Variants in XIRP2 observed in about 807,000 individuals in gnomAD.
XIRP2 encodes the protein xin actin binding repeat containing 2.
A neutral mutation model predicts 277.0 loss-of-function variants in XIRP2; 236 were observed. The ratio of observed to expected loss-of-function variants is 0.85; its 90% CI spans 0.77 to 0.95. XIRP2 has a LOEUF of 0.95. Ranked by LOEUF, XIRP2 falls within the 40% of genes least tolerant of loss-of-function variation. The probability of loss-of-function intolerance (pLI) is 0.00; values close to 1 mark genes in which losing one functional copy is unlikely to be tolerated. For missense variants in XIRP2, 4,640 were observed against 4,157.5 expected, an observed-to-expected ratio of 1.12 and a Z score of -3.19; for synonymous variants, 1,490 against 1,416.5, an observed-to-expected ratio of 1.05 and a Z score of -1.17.
At chr2:167,201,773 A>C (rs1693728629) in intron 3 of XIRP2, among the ~76,000 whole-genome samples, 1 of 152,200 alleles carries the variant, frequency 6.6e-6, no homozygotes, top group African/African-American at 2.4e-5. Flanking sequence ...ATTTAAGTGC[A>C]TATATTTTAG....
intron 2 of XIRP2, among the ~76,000 whole-genome samples, chr2:167,105,956 G>T (rs1347025311): frequency 6.6e-6 from 1 of 151,264 alleles, no homozygotes; most frequent in East Asian, 1.9e-4. Flanking sequence ...TATTCTCTGA[G>T]GTTAAATGCC....
chr2:166,994,597 G>A (rs1687156673), intron 2 of XIRP2, among the ~76,000 whole-genome samples: 2 of 148,556 alleles, frequency 1.3e-5, no homozygotes, highest in South Asian at 4.3e-4. Flanking sequence ...CAATATGGTA[G>A]GACAGCAATG....
chr2:167,250,212 T>G lies in XIRP2; in HGVS notation c.8820T>G (p.Gly2940=). 6.2e-7 allele frequency: 1 copy of G among 1,613,516 alleles called. No individual in the cohort carries two copies. The highest frequency in any genetic ancestry group is 8.5e-7 in the Non-Finnish European group (1 of 1,179,690). ...AATCCCAGCGGGATGATGGAAAAGG[T>G]GCCTTAAATATAGTGGAATTCTTGA... ...VKESQRDDGK[G]ALNIVEFLRK... is the part of the protein sequence containing the mutation. Residue 2940 remains glycine, a synonymous_variant, in exon 9 of 11, where the codon GGT becomes GGG. Coordinates refer to ENST00000409195, the MANE Select transcript of XIRP2 (RefSeq NM_152381.6).
intron 3 of XIRP2, among the ~76,000 whole-genome samples, chr2:167,159,261 A>G (rs1213496877): frequency 1.3e-5 from 2 of 152,204 alleles, no homozygotes; most frequent in Non-Finnish European, 2.9e-5. Flanking sequence ...ATCTCTCTGG[A>G]GTCCTCCGCC....
At chr2:167,051,124 T>C (rs2105534984) in intron 2 of XIRP2, among the ~76,000 whole-genome samples, 1 of 152,198 alleles carries the variant, frequency 6.6e-6, no homozygotes, top group South Asian at 2.1e-4. Flanking sequence ...CTAGCACTCC[T>C]TTAAATCCCA....
chr2:166,909,894 G>A (rs1357121048), intron 2 of XIRP2, among the ~76,000 whole-genome samples: 1 of 152,158 alleles, frequency 6.6e-6, no homozygotes, highest in Non-Finnish European at 1.5e-5. Flanking sequence ...CTTTGGTTCT[G>A]TTTATATGCT....
chr2:166,901,284 C>A lies in XIRP2; in HGVS notation c.-18-2181C>A, dbSNP rs188388605. 6.6e-5 allele frequency among the ~76,000 whole-genome samples: 10 copies of A among 152,190 alleles called. No homozygotes were observed. In the East Asian group the frequency reaches 1.9e-3, roughly 29 times the overall value. ...AAAAAGAAATCCTGGGAATTCACCGCCTTATTGTTCCTCAGGTCCCAAGGT... is the reference window on the plus strand; with the variant it reads ...AAAAAGAAATCCTGGGAATTCACCGACTTATTGTTCCTCAGGTCCCAAGGT... On this transcript the variant is annotated intron_variant, in intron 1 of 10. Transcript: ENST00000409195.
intron 2 of XIRP2, among the ~76,000 whole-genome samples, chr2:167,069,030 A>T (rs1277282810): frequency 6.6e-6 from 1 of 152,172 alleles, no homozygotes; most frequent in African/African-American, 2.4e-5. Flanking sequence ...CTCAATATCC[A>T]TGGATACCAT....
Position 167,060,392 on chromosome 2 carries a change from G to A in XIRP2, c.409-75517G>A, listed in dbSNP as rs187459337. The stretch of plus-strand genomic sequence containing the variant: ...TGCCTCTTCATTCCACAACCAAAGA[G>A]AATTTTTCCTGTAACTCTCCTGCCA... On this transcript the variant is annotated intron_variant, in intron 2 of 10. Transcript: ENST00000409195. 2.6e-5 allele frequency among the ~76,000 whole-genome samples: 4 copies of A among 152,196 alleles called. No individual in the cohort carries two copies. The East Asian group carries it at 7.7e-4, about 29-fold the overall frequency.
At chr2:167,219,754 C>T (rs6432987) in intron 5 of XIRP2, among the ~76,000 whole-genome samples, 22,952 of 152,126 alleles carry the variant, frequency 0.15, 2,149 homozygotes, top group African/African-American at 0.27. Flanking sequence ...ATTCATAACC[C>T]CCTCAGTCTT....
At chr2:167,208,407 A>G (rs980833715) in intron 3 of XIRP2, among the ~76,000 whole-genome samples, 1 of 152,130 alleles carries the variant, frequency 6.6e-6, no homozygotes, top group Non-Finnish European at 1.5e-5. Context: ...TCCCGGGTTC[A>G]CGCCATTCTC....
At position 166,902,434 on chromosome 2, in the gene XIRP2, T is replaced by A. The variant is rs74758662; in HGVS notation, c.-18-1031T>A. ...TTAGGTGACCTTCTGAGACACTTTCTAAGCCTTCATCTGATGTATTGTTTA... is the reference window on the plus strand; with the variant it reads ...TTAGGTGACCTTCTGAGACACTTTCAAAGCCTTCATCTGATGTATTGTTTA... On this transcript the variant is annotated intron_variant, in intron 1 of 10. Transcript: ENST00000409195. Among the ~76,000 whole-genome samples the A allele has an allele frequency of 1.5e-3, 223 of 152,214 alleles. 7 individuals carry two copies. In the East Asian group the frequency reaches 0.039, roughly 27 times the overall value.
intron 2 of XIRP2, among the ~76,000 whole-genome samples, chr2:167,003,168 A>G (rs1257170146): frequency 2.0e-5 from 3 of 152,014 alleles, no homozygotes; most frequent in African/African-American, 7.2e-5. Context: ...GGTGAAACTT[A>G]TATACAAAAA....
intron 2 of XIRP2, among the ~76,000 whole-genome samples, chr2:167,025,356 T>C (rs1178117681): frequency 3.3e-5 from 5 of 152,204 alleles, no homozygotes; most frequent in Non-Finnish European, 5.9e-5. Context: ...TTCTTCTTTA[T>C]TAGTCTTGCT....
At chr2:167,201,186 GAGAGAAAGAA>G (rs1278304839) in intron 3 of XIRP2, among the ~76,000 whole-genome samples, 13 of 116,712 alleles carry the variant, frequency 1.1e-4, no homozygotes, top group South Asian at 5.9e-4. Flanking sequence ...GAAAGAGAGA[GAGAGAAAGAA>G]AGAAAGAAAG....
At position 167,244,043 on chromosome 2, in the gene XIRP2, T is replaced by G. The variant is rs201385307; in HGVS notation, c.2651T>G (p.Ile884Ser). ...AAGCATCTATTTGAAACACTTCCAATTGAAGCATTAAAAGACAGTCCTGAT... is the reference window on the plus strand; with the variant it reads ...AAGCATCTATTTGAAACACTTCCAAGTGAAGCATTAAAAGACAGTCCTGAT... ...TTKHLFETLP[I>S]EALKDSPDIG... The change falls in exon 9 of 11, where the codon ATT (isoleucine) becomes AGT (serine). Residue 884 changes from isoleucine to serine, a missense_variant. Coordinates refer to ENST00000409195, the MANE Select transcript of XIRP2 (RefSeq NM_152381.6). The G allele has an allele frequency of 1.9e-6, 3 of 1,613,850 alleles. No homozygotes were observed. The East Asian group carries it at 6.7e-5, about 36-fold the overall frequency.
chr2:166,960,986 A>G (rs1574116853), intron 2 of XIRP2, among the ~76,000 whole-genome samples: 2 of 151,870 alleles, frequency 1.3e-5, no homozygotes, highest in South Asian at 4.1e-4. Flanking sequence ...TCATTGCATC[A>G]GATTGCTGTA....
intron 2 of XIRP2, among the ~76,000 whole-genome samples, chr2:166,904,100 A>G (rs1684457710): frequency 1.3e-5 from 2 of 152,094 alleles, no homozygotes; most frequent in Non-Finnish European, 2.9e-5. Context: ...TTTTTCTTCC[A>G]TAAAAACAAT....
chr2:166,971,364 C>T (rs1686570852), intron 2 of XIRP2, among the ~76,000 whole-genome samples: 1 of 151,582 alleles, frequency 6.6e-6, no homozygotes, highest in African/African-American at 2.4e-5. Flanking sequence ...TCAGGAGATA[C>T]TTTGAAGAAA....
Sources: gnomAD v4.1 joint callset for allele counts (sites outside exome capture counted in the v4.1 genomes callset) on GRCh38, gnomAD v4.1.1 for gene constraint, MANE v1.5 for transcripts, NCBI Gene and HGNC (gene_info 2026-07-23, HGNC 2026-07-21) for gene names.